The following ARHGAP35 variants were observed in gnomAD, a reference collection of about 807,000 sequenced individuals.
ARHGAP35 encodes rho GTPase-activating protein 35.
Under a neutral mutation model 111.1 loss-of-function variants are expected in ARHGAP35, and 15 were observed. The observed-to-expected ratio is 0.13, with a 90% CI of 0.09 to 0.21. ARHGAP35 has a LOEUF of 0.21. ARHGAP35 is among the 10% of genes least tolerant of loss of function. The pLI, the probability that ARHGAP35 is intolerant of heterozygous loss-of-function variation, is 1.00. For missense variants in ARHGAP35, 1,262 were observed against 1,873.0 expected (o/e 0.67, Z 6.02); for synonymous variants, 643 against 710.3 (o/e 0.91, Z 1.51).
At chr19:46,868,890 G>A (rs1284852508) in intron 1 of ARHGAP35, among the ~76,000 whole-genome samples, 2 of 127,934 alleles carry the variant, frequency 1.6e-5, no homozygotes, top group Admixed American at 8.2e-5. Context: ...GGAGCTCACC[G>A]TGATTTTTTT....
At chr19:46,912,188 C>T (rs1449571605) in intron 1 of ARHGAP35, among the ~76,000 whole-genome samples, 5 of 150,984 alleles carry the variant, frequency 3.3e-5, no homozygotes, top group African/African-American at 7.3e-5. Context: ...GGATTACTGG[C>T]GCCCACCACC....
chr19:46,972,488 C>T (rs2056555852), intron 3 of ARHGAP35, among the ~76,000 whole-genome samples: 1 of 152,222 alleles, frequency 6.6e-6, no homozygotes, highest in South Asian at 2.1e-4. Context: ...CTGGGAAGTG[C>T]TCTTTCTTTA....
rs375951617 is a variant in ARHGAP35 at position 46,885,269 on chromosome 19, CAAT to C, written c.-189+24068_-189+24070del. ...CCTCAGAGATAGTTTGTGACTCTTGCAATAATAATAGCAAATATTTCCTTAATC... is the reference window on the plus strand; with the variant it reads ...CCTCAGAGATAGTTTGTGACTCTTGCAATAATAGCAAATATTTCCTTAATC... On this transcript the variant is annotated intron_variant, in intron 1 of 6. Coordinates refer to ENST00000672722, the MANE Select transcript of ARHGAP35 (RefSeq NM_004491.5). Among the ~76,000 whole-genome samples, 481 of 152,254 alleles carry C rather than the reference CAAT, an allele frequency of 3.2e-3. 4 individuals are homozygous for C. Among genetic ancestry groups the C allele is most frequent in the African/African-American group, 0.011 (462 of 41,550 alleles).
intron 3 of ARHGAP35, among the ~76,000 whole-genome samples, chr19:46,960,677 T>A (rs1044550526): frequency 1.3e-5 from 2 of 152,206 alleles, no homozygotes; most frequent in Non-Finnish European, 2.9e-5. Flanking sequence ...TTACCTGCTA[T>A]TAAGAGTTTA....
intron 1 of ARHGAP35, among the ~76,000 whole-genome samples, chr19:46,904,982 G>T (rs185303054): frequency 2.0e-5 from 3 of 152,286 alleles, no homozygotes; most frequent in African/African-American, 7.2e-5. Context: ...CAGGAGACCT[G>T]GGTTCTGGAC....
chr19:46,938,118 G>T lies in ARHGAP35; in HGVS notation c.3826+710G>T, dbSNP rs568027156. ...TGGGTTCTTGAGCATTCGGAGTTGG[G>T]CTCAGGAACACAGGCTTAAACTAAT... On this transcript the variant is annotated intron_variant, in intron 3 of 6. Coordinates refer to ENST00000672722, the MANE Select transcript of ARHGAP35 (RefSeq NM_004491.5). Among the ~76,000 whole-genome samples the T allele has an allele frequency of 1.4e-4, 21 of 152,218 alleles. No homozygotes were observed. In the East Asian group the frequency reaches 3.3e-3, roughly 24 times the overall value.
chr19:46,967,828 G>A (rs1329567151), intron 3 of ARHGAP35, among the ~76,000 whole-genome samples: 1 of 152,058 alleles, frequency 6.6e-6, no homozygotes, highest in African/African-American at 2.4e-5. Flanking sequence ...GTTCCACTTC[G>A]AGACTCCCTC....
Position 46,992,526 on chromosome 19 carries a change from C to T in ARHGAP35, c.4036+2851C>T, listed in dbSNP as rs2056684755. The stretch of plus-strand genomic sequence containing the variant: ...TTCAAGAGTCGCTCTTGCCTGGTTT[C>T]TCCCCGTCTCTGTGACTCCCTCCTC... On this transcript the variant is annotated intron_variant, in intron 5 of 6. Coordinates refer to ENST00000672722, the MANE Select transcript of ARHGAP35 (RefSeq NM_004491.5). The surrounding 1 kb of genome is among the most constrained non-coding windows in gnomAD (Gnocchi z 4.4). Among the ~76,000 whole-genome samples, 1 of 151,014 alleles carries T rather than the reference C, an allele frequency of 6.6e-6. No homozygotes were observed. Among genetic ancestry groups the T allele is most frequent in the Admixed American group, 6.6e-5 (1 of 15,174 alleles).
At chr19:46,998,614 TCA>T (rs2056728728) in intron 5 of ARHGAP35, among the ~76,000 whole-genome samples, 1 of 152,246 alleles carries the variant, frequency 6.6e-6, no homozygotes, top group Non-Finnish European at 1.5e-5. Context: ...AGTTCCTGCC[TCA>T]CACGATTGTG....
chr19:46,996,036 C>T (rs987070478), intron 5 of ARHGAP35, among the ~76,000 whole-genome samples: 1 of 152,236 alleles, frequency 6.6e-6, no homozygotes, highest in African/African-American at 2.4e-5. Flanking sequence ...GCCACCCGCT[C>T]CTCACTAGGC....
intron 1 of ARHGAP35, among the ~76,000 whole-genome samples, chr19:46,895,284 C>T (rs2056047915): frequency 6.6e-6 from 1 of 152,028 alleles, no homozygotes; most frequent in African/African-American, 2.4e-5. Context: ...CTGCTTCAGC[C>T]TCCCGAGTAG....
At chr19:46,884,252 A>G (rs567998493) in intron 1 of ARHGAP35, among the ~76,000 whole-genome samples, 3 of 152,206 alleles carry the variant, frequency 2.0e-5, no homozygotes, top group African/African-American at 7.2e-5. Context: ...TGGAGGCTAC[A>G]GTAAGCAATG....
intron 1 of ARHGAP35, among the ~76,000 whole-genome samples, chr19:46,862,638 G>A (rs1478355642): frequency 6.6e-6 from 1 of 151,654 alleles, no homozygotes; most frequent in African/African-American, 2.4e-5. Flanking sequence ...TCCCCAGCTC[G>A]GCTCCTTCGG....
In ARHGAP35 at chr19:46,994,267, G is replaced by A. The variant is rs2056694884; in HGVS notation, c.4036+4592G>A. 1.3e-5 allele frequency among the ~76,000 whole-genome samples: 2 copies of A among 152,166 alleles called. No homozygotes were observed. The highest frequency in any genetic ancestry group is 4.1e-4 in the South Asian group (2 of 4,832). Reference sequence around the variant, plus strand: ...TTTGGCCAGTGTAGACACCTGGCCGGGCGGGCTACCTATTGAAGCTGGGGG... The same window carrying A: ...TTTGGCCAGTGTAGACACCTGGCCGAGCGGGCTACCTATTGAAGCTGGGGG... On this transcript the variant is annotated intron_variant, in intron 5 of 6. Transcript: ENST00000672722. This position sits in a 1 kb window ranked among gnomAD's most constrained non-coding sequence, Gnocchi z 5.4.
chr19:46,905,228 CAAAAA>C, intron 1 of ARHGAP35, among the ~76,000 whole-genome samples: 1 of 152,172 alleles, frequency 6.6e-6, no homozygotes, highest in East Asian at 1.9e-4. Flanking sequence ...CAAAAACAAA[CAAAAA>C]GAAAACACTG....
At chr19:46,865,092 A>G (rs2055847979) in intron 1 of ARHGAP35, among the ~76,000 whole-genome samples, 1 of 152,238 alleles carries the variant, frequency 6.6e-6, no homozygotes, top group Non-Finnish European at 1.5e-5. Flanking sequence ...TGAGGCTAGC[A>G]GAGGCCCTAA....
chr19:46,978,067 T>A (rs1201610), intron 3 of ARHGAP35, among the ~76,000 whole-genome samples: 2 of 152,206 alleles, frequency 1.3e-5, no homozygotes, highest in Non-Finnish European at 2.9e-5. Flanking sequence ...GCCCTGCAAG[T>A]TCATCAGGAC....
Position 46,922,289 on chromosome 19 carries a change from T to C in ARHGAP35, c.3614T>C (p.Ile1205Thr). ...SQGYKGDNAV[I>T]PYETDEDPRR... The stretch of plus-strand genomic sequence containing the variant: ...GGTTATAAAGGGGACAATGCTGTCA[T>C]TCCATACGAAACAGACGAAGACCCG... Residue 1205 changes from isoleucine (I) to threonine (T), a missense_variant, in exon 2 of 7, where the codon ATT becomes ACT. Ile to Thr is a moderately conservative substitution (Grantham distance 89). Coordinates refer to ENST00000672722, the MANE Select transcript of ARHGAP35 (RefSeq NM_004491.5). The surrounding 1 kb of genome is among the most constrained non-coding windows in gnomAD (Gnocchi z 4.0). 6.2e-7 allele frequency: 1 copy of C among 1,613,812 alleles called. No individual in the cohort carries two copies. Among genetic ancestry groups the C allele is most frequent in the Non-Finnish European group, 8.5e-7 (1 of 1,179,856 alleles).
rs909001469 is a variant in ARHGAP35 at position 46,901,700 on chromosome 19, A to G, written c.-188-16788A>G. Among the ~76,000 whole-genome samples the G allele has an allele frequency of 6.6e-6, 1 of 152,218 alleles. No homozygotes were observed. Among genetic ancestry groups the G allele is most frequent in the African/African-American group, 2.4e-5 (1 of 41,462 alleles). On this transcript the variant is annotated intron_variant, in intron 1 of 6. Transcript: ENST00000672722. This position sits in a 1 kb window ranked among gnomAD's most constrained non-coding sequence, Gnocchi z 4.5. ...TGGCAGCAGATACGTTGGCTTTCTCAGCTGTTGAATTTGAGTGCCCATTCC... is the reference window on the plus strand; with the variant it reads ...TGGCAGCAGATACGTTGGCTTTCTCGGCTGTTGAATTTGAGTGCCCATTCC...
Sources: allele counts gnomAD v4.1 joint callset (sites outside exome capture counted in the v4.1 genomes callset), GRCh38; gene constraint gnomAD v4.1.1; non-coding constraint Gnocchi (gnomAD v3.1); transcripts MANE v1.5; gene names NCBI Gene and HGNC (gene_info 2026-07-23, HGNC 2026-07-21).